Variants in ERBB4 observed in about 807,000 individuals in gnomAD.
The protein encoded by ERBB4 is receptor tyrosine-protein kinase erbB-4.
A neutral mutation model predicts 158.0 loss-of-function variants in ERBB4; 42 were observed. The ratio of observed to expected loss-of-function variants is 0.27; its 90% CI spans 0.21 to 0.34. ERBB4 has a LOEUF of 0.34. ERBB4 is among the 10% of genes least tolerant of loss of function. The pLI is 1.00. For missense variants in ERBB4, 1,333 were observed against 1,624.1 expected, an observed-to-expected ratio of 0.82 and a Z score of 3.08; for synonymous variants, 583 against 558.7, an observed-to-expected ratio of 1.04 and a Z score of -0.61.
chr2:211,472,481 T>C (rs1474196744), intron 20 of ERBB4, among the ~76,000 whole-genome samples: 2 of 151,748 alleles, frequency 1.3e-5, no homozygotes, highest in African/African-American at 2.4e-5. Context: ...TAAAACGCTA[T>C]TATATTAATA....
intron 1 of ERBB4, among the ~76,000 whole-genome samples, chr2:212,219,757 T>A (rs963232092): frequency 5.9e-5 from 9 of 151,304 alleles, no homozygotes; most frequent in Non-Finnish European, 1.3e-4. Context: ...TTATAAACAG[T>A]AGTGTAAATT....
At chr2:211,522,221 G>A (rs2066206515) in intron 20 of ERBB4, among the ~76,000 whole-genome samples, 1 of 152,074 alleles carries the variant, frequency 6.6e-6, no homozygotes, top group South Asian at 2.1e-4. Flanking sequence ...CATGGGAGGA[G>A]GTCAAAAGAG....
rs111459581 is a variant in ERBB4 at position 212,386,095 on chromosome 2, T to C, written c.82+152354A>G. On this transcript the variant is annotated intron_variant, in intron 1 of 27. Transcript: ENST00000342788. ...CAAACCTGATCCTTAAGTTTATTTA[T>C]GTGTCTGTCATCCTTTACCACTTGA... Among the ~76,000 whole-genome samples the C allele has an allele frequency of 1.2e-3, 179 of 151,890 alleles. 3 individuals are homozygous for C. The highest frequency in any genetic ancestry group is 4.0e-3 in the African/African-American group (167 of 41,474).
chr2:212,494,350 A>G (rs1690442773), intron 1 of ERBB4, among the ~76,000 whole-genome samples: 1 of 152,088 alleles, frequency 6.6e-6, no homozygotes, highest in Admixed American at 6.6e-5. Flanking sequence ...ATGTGCACAC[A>G]GAAAGACTCC....
chr2:211,673,464 A>T (rs929616932), intron 13 of ERBB4, among the ~76,000 whole-genome samples: 1 of 143,760 alleles, frequency 7.0e-6, no homozygotes, highest in African/African-American at 2.6e-5. Context: ...ATTGAGTTCA[A>T]TGTTAGACTC....
intron 1 of ERBB4, among the ~76,000 whole-genome samples, chr2:212,170,048 C>A (rs1384276536): frequency 6.6e-6 from 1 of 152,124 alleles, no homozygotes; most frequent in Admixed American, 6.6e-5. Context: ...GTGGAAGTGA[C>A]TTTGGAACTG....
At chr2:212,252,201 TA>T (rs2084562638) in intron 1 of ERBB4, among the ~76,000 whole-genome samples, 1 of 151,968 alleles carries the variant, frequency 6.6e-6, no homozygotes, top group Non-Finnish European at 1.5e-5. Flanking sequence ...TATACAGCAT[TA>T]AATAAATCAC....
chr2:212,408,076 A>T (rs889626896), intron 1 of ERBB4, among the ~76,000 whole-genome samples: 2 of 151,888 alleles, frequency 1.3e-5, no homozygotes, highest in Non-Finnish European at 2.9e-5. Context: ...TTTTATTTTT[A>T]TTTATTTTTA....
chr2:212,096,379 C>T (rs1044646397), intron 2 of ERBB4, among the ~76,000 whole-genome samples: 2 of 152,110 alleles, frequency 1.3e-5, no homozygotes, highest in Admixed American at 1.3e-4. Flanking sequence ...ATCGTAACTA[C>T]AGGATATCCT....
chr2:212,111,119 G>A lies in ERBB4; in HGVS notation c.234+13633C>T, dbSNP rs148568762. On this transcript the variant is annotated intron_variant, in intron 2 of 27. Transcript: ENST00000342788. ...AATGCTCTGTCCTTCCTTTGTCCCT[G>A]TTACTGCCTGGACGACACATCTGCC... Among the ~76,000 whole-genome samples the A allele has an allele frequency of 9.9e-5, 15 of 152,282 alleles. No homozygotes were observed. In the East Asian group the frequency reaches 2.5e-3, roughly 25 times the overall value.
intron 1 of ERBB4, among the ~76,000 whole-genome samples, chr2:212,232,651 G>A (rs1361243526): frequency 2.6e-5 from 4 of 152,062 alleles, no homozygotes; most frequent in Admixed American, 6.6e-5. Context: ...CTCATGATCC[G>A]CCTGCCTCGG....
At chr2:212,172,990 T>C (rs2081564888) in intron 1 of ERBB4, among the ~76,000 whole-genome samples, 3 of 152,158 alleles carry the variant, frequency 2.0e-5, no homozygotes, top group South Asian at 4.1e-4. Context: ...CTATAGTTAC[T>C]AATGCACAAT....
At chr2:211,589,993 T>C (rs566938195) in intron 19 of ERBB4, among the ~76,000 whole-genome samples, 2 of 152,290 alleles carry the variant, frequency 1.3e-5, no homozygotes, top group African/African-American at 4.8e-5. Flanking sequence ...GTTAATGATG[T>C]TAATCATTTT....
At chr2:211,929,957 T>C (rs1285080250) in intron 3 of ERBB4, among the ~76,000 whole-genome samples, 1 of 152,216 alleles carries the variant, frequency 6.6e-6, no homozygotes, top group Non-Finnish European at 1.5e-5. Context: ...TCTGGTCTTC[T>C]TATTTGCCTT....
intron 25 of ERBB4, among the ~76,000 whole-genome samples, chr2:211,389,918 A>C (rs2062766212): frequency 6.6e-6 from 1 of 152,238 alleles, no homozygotes; most frequent in Admixed American, 6.5e-5. Flanking sequence ...AAAATAAAGC[A>C]ATCAGGATGC....
chr2:212,060,528 C>A lies in ERBB4; in HGVS notation c.234+64224G>T, dbSNP rs550347291. 9.4e-5 allele frequency among the ~76,000 whole-genome samples: 14 copies of A among 148,400 alleles called. 1 individual carries two copies. In the South Asian group the frequency reaches 2.9e-3, roughly 31 times the overall value. ...ATGCACACGTATGTTTATTGCGGCA[C>A]TATTCACAATAGCAAAGACTTGGAA... is the stretch of plus-strand genomic sequence containing the variant. On this transcript the variant is annotated intron_variant, in intron 2 of 27. Transcript: ENST00000342788.
intron 3 of ERBB4, among the ~76,000 whole-genome samples, chr2:211,881,791 C>T (rs1219698367): frequency 2.6e-5 from 4 of 152,120 alleles, no homozygotes; most frequent in Admixed American, 6.5e-5. Context: ...CTTCTTTTGT[C>T]TATTAAACTT....
chr2:212,476,377 G>T (rs1387404191), intron 1 of ERBB4, among the ~76,000 whole-genome samples: 1 of 152,056 alleles, frequency 6.6e-6, no homozygotes, highest in African/African-American at 2.4e-5. Flanking sequence ...TCAAATTAAT[G>T]TGCATAGCAG....
intron 3 of ERBB4, among the ~76,000 whole-genome samples, chr2:211,791,902 T>C (rs1178689942): frequency 6.6e-6 from 1 of 151,612 alleles, no homozygotes; most frequent in Non-Finnish European, 1.5e-5. Flanking sequence ...CTTTTTTTAT[T>C]TAGAGTAAAT....
Sources: allele counts gnomAD v4.1 joint callset (sites outside exome capture counted in the v4.1 genomes callset), GRCh38; gene constraint gnomAD v4.1.1; transcripts MANE v1.5; gene names NCBI Gene and HGNC (gene_info 2026-07-23, HGNC 2026-07-21).